The following ESRP1 variants were observed in gnomAD, a reference collection of about 807,000 sequenced individuals.
ESRP1 encodes the protein RNA-binding motif protein 35A.
In ESRP1, 33 loss-of-function variants were observed where a neutral mutation model predicts 81.7. The observed-to-expected ratio is 0.40, with a 90% CI of 0.31 to 0.54. ESRP1 has a LOEUF of 0.54. Among genes scored for constraint, ESRP1 ranks in the 20% least tolerant of loss-of-function variants. ESRP1 has a pLI of 0.41. For synonymous variants in ESRP1, 320 were observed against 303.3 expected, an observed-to-expected ratio of 1.06 and a Z score of -0.57; for missense variants, 672 against 833.1, an observed-to-expected ratio of 0.81 and a Z score of 2.38.
chr8:94,658,631 A>C (rs962774994), intron 4 of ESRP1, among the ~76,000 whole-genome samples: 1 of 152,174 alleles, frequency 6.6e-6, no homozygotes, highest in African/African-American at 2.4e-5. Context: ...AGGAAAGCTT[A>C]ATTTGAATGG....
At chr8:94,654,337 C>T (rs995048674) in intron 4 of ESRP1, among the ~76,000 whole-genome samples, 1 of 152,098 alleles carries the variant, frequency 6.6e-6, no homozygotes, top group African/African-American at 2.4e-5. Flanking sequence ...AAATATTTTA[C>T]TTTTAAAATG....
intron 13 of ESRP1, among the ~76,000 whole-genome samples, chr8:94,689,185 ATGT>A (rs1454507584): frequency 4.3e-5 from 6 of 139,418 alleles, no homozygotes; most frequent in African/African-American, 1.1e-4. Context: ...TGGGAGGCAG[ATGT>A]TGTAGTGAGC....
intron 4 of ESRP1, among the ~76,000 whole-genome samples, chr8:94,659,538 C>G (rs984554088): frequency 1.3e-5 from 2 of 152,156 alleles, no homozygotes; most frequent in African/African-American, 2.4e-5. Context: ...AGCATCTAAC[C>G]TTTCAAATGA....
In ESRP1 at chr8:94,641,347, T is replaced by C. The variant is rs1817578176; in HGVS notation, c.29T>C (p.Val10Ala). 3 of 1,611,712 alleles carry C rather than the reference T, an allele frequency of 1.9e-6. No homozygotes were observed. The highest frequency in any genetic ancestry group is 1.7e-6 in the Non-Finnish European group (2 of 1,178,870). The change falls in exon 1 of 16, where the codon GTG (valine) becomes GCG (alanine). Residue 10 changes from valine (V) to alanine (A), a missense_variant. By Grantham distance (64) the Val-to-Ala change is moderately conservative. Coordinates refer to ENST00000433389, the MANE Select transcript of ESRP1 (RefSeq NM_017697.4). MTASPDYLV[V>A]LFGITAGATG... ...ACGGCCTCTCCGGATTACTTGGTGG[T>C]GCTTTTTGGGATCACTGCTGGGGCC...
At chr8:94,661,852 CA>C (rs537445562) in intron 4 of ESRP1, among the ~76,000 whole-genome samples, 3 of 149,776 alleles carry the variant, frequency 2.0e-5, no homozygotes, top group East Asian at 1.9e-4. Flanking sequence ...AACATTAGGC[CA>C]AAAAAAAAGT....
intron 13 of ESRP1, among the ~76,000 whole-genome samples, chr8:94,690,448 T>A (rs1586249681): frequency 6.6e-6 from 1 of 151,988 alleles, no homozygotes; most frequent in African/African-American, 2.4e-5. Context: ...TTTAGGTTGA[T>A]GAAAAATTCT....
chr8:94,655,465 C>T (rs1414921533), intron 4 of ESRP1, among the ~76,000 whole-genome samples: 1 of 151,600 alleles, frequency 6.6e-6, no homozygotes, highest in African/African-American at 2.4e-5. Flanking sequence ...GTTTTTCCCC[C>T]GCATTTTATT....
chr8:94,665,607 T>C (rs1467058680), intron 9 of ESRP1, among the ~76,000 whole-genome samples: 1 of 152,128 alleles, frequency 6.6e-6, no homozygotes, highest in Non-Finnish European at 1.5e-5. Context: ...TTCTTGTGCC[T>C]CCGCCTCCGT....
At chr8:94,682,784 C>T (rs552873625) in intron 13 of ESRP1, among the ~76,000 whole-genome samples, 6 of 149,978 alleles carry the variant, frequency 4.0e-5, no homozygotes, top group African/African-American at 1.5e-4. Flanking sequence ...TGAGGAATAA[C>T]CATTGTCTTT....
Position 94,641,266 on chromosome 8 carries a change from C to A in ESRP1, c.-53C>A. The A allele has an allele frequency of 1.9e-6, 3 of 1,573,700 alleles. No homozygotes were observed. The highest frequency in any genetic ancestry group is 2.6e-6 in the Non-Finnish European group (3 of 1,153,642). ...GCACAGGTTTTTTCGTTCTCACTTC[C>A]ACACCACCTTACCGCCTCCCGACCC... On this transcript the variant is annotated 5_prime_UTR_variant, in exon 1 of 16. Coordinates refer to ENST00000433389, the MANE Select transcript of ESRP1 (RefSeq NM_017697.4).
chr8:94,654,109 A>G (rs1454969705), intron 4 of ESRP1, among the ~76,000 whole-genome samples: 1 of 152,154 alleles, frequency 6.6e-6, no homozygotes, highest in South Asian at 2.1e-4. Context: ...ATGTGAGGTC[A>G]GGAGTTTGAG....
intron 12 of ESRP1, among the ~76,000 whole-genome samples, chr8:94,675,363 C>T (rs750196299): frequency 2.0e-5 from 3 of 152,074 alleles, no homozygotes; most frequent in Non-Finnish European, 2.9e-5. Flanking sequence ...TCCAATAAAG[C>T]GGGGGATTTG....
intron 14 of ESRP1, among the ~76,000 whole-genome samples, chr8:94,695,131 G>A (rs925515565): frequency 6.6e-6 from 1 of 151,988 alleles, no homozygotes; most frequent in African/African-American, 2.4e-5. Flanking sequence ...TTTAGATTTG[G>A]CAACCAAGAT....
chr8:94,678,445 A>G (rs1808730687), intron 13 of ESRP1, 74 bp downstream of exon 13: 2 of 1,519,802 alleles, frequency 1.3e-6, no homozygotes, highest in Non-Finnish European at 1.8e-6. Context: ...AAGAGCTCAC[A>G]AAAGAATATT....
intron 10 of ESRP1, 51 bp downstream of exon 10, chr8:94,668,301 T>C: frequency 6.8e-7 from 1 of 1,476,018 alleles, no homozygotes. Flanking sequence ...TTCTGTTCTT[T>C]ATCTCTGAAA....
At chr8:94,653,023 C>A (rs771729986) in intron 4 of ESRP1, among the ~76,000 whole-genome samples, 26 of 152,268 alleles carry the variant, frequency 1.7e-4, no homozygotes, top group Non-Finnish European at 3.5e-4. Flanking sequence ...CATATCAAAC[C>A]ATTAAAGCAG....
chr8:94,682,265 A>G (rs1467478641), intron 13 of ESRP1, among the ~76,000 whole-genome samples: 1 of 152,198 alleles, frequency 6.6e-6, no homozygotes, highest in Non-Finnish European at 1.5e-5. Context: ...GCTGTTGCAT[A>G]GGTGGGAGAC....
chr8:94,667,068 G>GGGGGGTGTGTGTGTGTGTGT lies in ESRP1; in HGVS notation c.932-880_932-879insGGGGTGTGTGTGTGTGTGTG, dbSNP rs1554577644. 4.8e-3 allele frequency among the ~76,000 whole-genome samples: 692 copies of GGGGGGTGTGTGTGTGTGTGT among 144,308 alleles called. 7 individuals are homozygous for GGGGGGTGTGTGTGTGTGTGT. The highest frequency in any genetic ancestry group is 0.017 in the African/African-American group (652 of 37,954). The allele number at this position is 144,308 out of a possible 152,430, so 94.7% of individuals were successfully genotyped here. On this transcript the variant is annotated intron_variant, in intron 9 of 15. Transcript: ENST00000433389. ...TAATACACAAATTAGCCAGGAGAGG[G>GGGGGGTGTGTGTGTGTGTGT]GTGTGTGTGTGTGTGTGTGTGTGTG...
chr8:94,643,315 G>C lies in ESRP1; in HGVS notation c.274G>C (p.Val92Leu). 6.2e-7 allele frequency: 1 copy of C among 1,610,132 alleles called. No individual in the cohort carries two copies. Among genetic ancestry groups the C allele is most frequent in the East Asian group, 2.2e-5 (1 of 44,868 alleles). Residue 92 changes from valine (V) to leucine (L), a missense_variant, in exon 3 of 16, where the codon GTG becomes CTG. Coordinates refer to ENST00000433389, the MANE Select transcript of ESRP1 (RefSeq NM_017697.4). ...CTTGTTCTTGCAGTTTAACCAGTCA[G>C]TGAGCAATGAACTGAATATTGGAGT... Reference protein sequence around the residue: ...DQALRQFNQSVSNELNIGVGT... With the variant: ...DQALRQFNQSLSNELNIGVGT...
Sources: gnomAD v4.1 joint callset for allele counts (sites outside exome capture counted in the v4.1 genomes callset) on GRCh38, gnomAD v4.1.1 for gene constraint, MANE v1.5 for transcripts, NCBI Gene and HGNC (gene_info 2026-07-23, HGNC 2026-07-21) for gene names.